CUX2: variants seen among roughly 807,000 people sequenced by gnomAD.
The protein encoded by CUX2 is homeobox protein cut-like 2.
CUX2 carries 40 observed loss-of-function variants against 144.8 expected under a neutral mutation model. That is an observed-to-expected ratio of 0.28 (90% CI 0.21 to 0.36). CUX2 has a LOEUF of 0.36. Among genes scored for constraint, CUX2 ranks in the 10% least tolerant of loss-of-function variants. The probability of loss-of-function intolerance (pLI) is 1.00; values close to 1 mark genes in which losing one functional copy is unlikely to be tolerated. For missense variants in CUX2, 1,615 were observed against 1,994.0 expected (o/e 0.81, Z 3.62); for synonymous variants, 827 against 875.6 (o/e 0.94, Z 0.98).
At chr12:111,344,138 A>T (rs753830268) in intron 21 of CUX2, among the ~76,000 whole-genome samples, 2 of 152,200 alleles carry the variant, frequency 1.3e-5, no homozygotes, top group Non-Finnish European at 2.9e-5. Flanking sequence ...TAGGTCCTTA[A>T]AGCCTGCTCA....
At chr12:111,232,204 G>GA (rs34337617) in intron 3 of CUX2, among the ~76,000 whole-genome samples, 6 of 130,472 alleles carry the variant, frequency 4.6e-5, no homozygotes, top group South Asian at 2.8e-4. Context: ...GACTCCATCT[G>GA]AAAAAAAAAT....
chr12:111,232,247 G>A (rs1882508702), intron 3 of CUX2, among the ~76,000 whole-genome samples: 1 of 151,876 alleles, frequency 6.6e-6, no homozygotes, highest in Non-Finnish European at 1.5e-5. Context: ...TGGGCACAAT[G>A]GTTCACACCT....
chr12:111,263,013 A>G lies in CUX2; in HGVS notation c.223-748A>G, dbSNP rs1245399388. ...AGGTAGGTCCTGTTATTTACCCCGC[A>G]TTTTACAGATGAAGAAACTGAGAAT... On this transcript the variant is annotated intron_variant, in intron 3 of 21. Coordinates refer to ENST00000261726, the MANE Select transcript of CUX2 (RefSeq NM_015267.4). The surrounding 1 kb of genome is among the most constrained non-coding windows in gnomAD (Gnocchi z 4.0). 6.6e-6 allele frequency among the ~76,000 whole-genome samples: 1 copy of G among 152,178 alleles called. No homozygotes were observed. The highest frequency in any genetic ancestry group is 1.9e-4 in the East Asian group (1 of 5,188).
chr12:111,059,257 G>T lies in CUX2; in HGVS notation c.63+25017G>T, dbSNP rs1870662402. Among the ~76,000 whole-genome samples the T allele has an allele frequency of 6.6e-6, 1 of 152,264 alleles. No individual in the cohort carries two copies. Among genetic ancestry groups the T allele is most frequent in the Non-Finnish European group, 1.5e-5 (1 of 68,054 alleles). ...CCCTCTTTGCAGGGCTTCTCGGGGA[G>T]GTGGGAGGGGAGGAGGGCTACATTT... On this transcript the variant is annotated intron_variant, in intron 1 of 21. Coordinates refer to ENST00000261726, the MANE Select transcript of CUX2 (RefSeq NM_015267.4). This position sits in a 1 kb window ranked among gnomAD's most constrained non-coding sequence, Gnocchi z 5.3.
chr12:111,208,511 A>G (rs1881039269), intron 1 of CUX2, among the ~76,000 whole-genome samples: 1 of 152,186 alleles, frequency 6.6e-6, no homozygotes, highest in Admixed American at 6.5e-5. Flanking sequence ...AACCAACCAT[A>G]GGATCCTTCC....
intron 1 of CUX2, among the ~76,000 whole-genome samples, chr12:111,181,342 T>C (rs1424169392): frequency 1.3e-5 from 2 of 152,230 alleles, no homozygotes. Flanking sequence ...GAAGCCAAGG[T>C]GAGGCTGTTT....
At chr12:111,260,463 C>T (rs961923757) in intron 3 of CUX2, among the ~76,000 whole-genome samples, 1 of 147,676 alleles carries the variant, frequency 6.8e-6, no homozygotes, top group Non-Finnish European at 1.5e-5. Context: ...GACTCTGTCT[C>T]AGGAAAAAAA....
chr12:111,134,304 A>C (rs762870163), intron 1 of CUX2, among the ~76,000 whole-genome samples: 11 of 152,226 alleles, frequency 7.2e-5, no homozygotes, highest in African/African-American at 9.6e-5. Flanking sequence ...AGTATTATGG[A>C]CACTGTCACC....
intron 1 of CUX2, among the ~76,000 whole-genome samples, chr12:111,151,612 G>T (rs1331918919): frequency 5.3e-5 from 8 of 152,194 alleles, no homozygotes; most frequent in Non-Finnish European, 1.2e-4. Flanking sequence ...AGAGGAAGAC[G>T]ACTGACGCTT....
chr12:111,330,189 C>T (rs1294776997), intron 18 of CUX2, among the ~76,000 whole-genome samples: 1 of 152,154 alleles, frequency 6.6e-6, no homozygotes, highest in African/African-American at 2.4e-5. Context: ...CACAAAGGGC[C>T]ATGATGCTGC....
intron 15 of CUX2, among the ~76,000 whole-genome samples, chr12:111,311,462 C>T (rs1287348869): frequency 6.6e-6 from 1 of 151,520 alleles, no homozygotes; most frequent in Non-Finnish European, 1.5e-5. Context: ...CTAATTTTTA[C>T]ATTTTTAGTA....
At chr12:111,151,245 T>C (rs906708810) in intron 1 of CUX2, among the ~76,000 whole-genome samples, 5 of 152,222 alleles carry the variant, frequency 3.3e-5, no homozygotes, top group Admixed American at 3.3e-4. Context: ...AGTAGTTGAA[T>C]AAATTTTTAA....
intron 1 of CUX2, among the ~76,000 whole-genome samples, chr12:111,198,652 G>A (rs1880387276): frequency 6.6e-6 from 1 of 152,224 alleles, no homozygotes; most frequent in Non-Finnish European, 1.5e-5. Flanking sequence ...AATGCCCTGT[G>A]GAAAAGGAGG....
At chr12:111,258,265 C>A (rs1883935911) in intron 3 of CUX2, among the ~76,000 whole-genome samples, 1 of 152,216 alleles carries the variant, frequency 6.6e-6, no homozygotes, top group South Asian at 2.1e-4. Context: ...GTAATCCCAG[C>A]ACCTTGGGAG....
At chr12:111,156,984 T>TAAAAAAAAA in intron 1 of CUX2, among the ~76,000 whole-genome samples, 1 of 17,070 alleles carries the variant, frequency 5.9e-5, no homozygotes, top group South Asian at 2.0e-3. Flanking sequence ...AAAACTTCTC[T>TAAAAAAAAA]CAAAAAAAAA....
At chr12:111,240,550 C>T (rs754684269) in intron 3 of CUX2, among the ~76,000 whole-genome samples, 1 of 152,200 alleles carries the variant, frequency 6.6e-6, no homozygotes, top group Non-Finnish European at 1.5e-5. Flanking sequence ...CTGGTCCAAT[C>T]GGCTGAGGTC....
intron 9 of CUX2, among the ~76,000 whole-genome samples, chr12:111,301,377 G>T (rs1886283867): frequency 6.6e-6 from 1 of 152,178 alleles, no homozygotes; most frequent in South Asian, 2.1e-4. Context: ...AATCTAGGTG[G>T]TTATGTAGGA....
chr12:111,057,539 G>A lies in CUX2; in HGVS notation c.63+23299G>A, dbSNP rs923818336. On this transcript the variant is annotated intron_variant, in intron 1 of 21. Transcript: ENST00000261726. The surrounding 1 kb of genome is among the most constrained non-coding windows in gnomAD (Gnocchi z 5.1). ...GGTGACCAGGCCGATTCCAACGTGG[G>A]GACCCAGACCTCCTTACACGGGCCC... is the stretch of plus-strand genomic sequence containing the variant. Among the ~76,000 whole-genome samples, 3 of 152,016 alleles carry A rather than the reference G, an allele frequency of 2.0e-5. No individual in the cohort carries two copies. The South Asian group carries it at 6.2e-4, about 32-fold the overall frequency.
intron 4 of CUX2, among the ~76,000 whole-genome samples, chr12:111,280,991 A>T (rs1444477881): frequency 6.6e-6 from 1 of 152,044 alleles, no homozygotes. Flanking sequence ...TGCTGCTCCC[A>T]CTTCTGCCAC....
Sources: allele counts gnomAD v4.1 joint callset (sites outside exome capture counted in the v4.1 genomes callset), GRCh38; gene constraint gnomAD v4.1.1; non-coding constraint Gnocchi (gnomAD v3.1); transcripts MANE v1.5; gene names NCBI Gene and HGNC (gene_info 2026-07-23, HGNC 2026-07-21).